Variants in SLC30A5 observed in about 807,000 individuals in gnomAD.
SLC30A5 encodes the protein proton-coupled zinc antiporter SLC30A5.
A neutral mutation model predicts 79.6 loss-of-function variants in SLC30A5; 33 were observed. The observed-to-expected ratio is 0.41, with a 90% CI of 0.31 to 0.55. The LOEUF (loss-of-function observed/expected upper bound fraction) is 0.55. Among genes scored for constraint, SLC30A5 ranks in the 20% least tolerant of loss-of-function variants. The probability of loss-of-function intolerance (pLI) is 0.20; values close to 1 mark genes in which losing one functional copy is unlikely to be tolerated. For synonymous variants in SLC30A5, 299 were observed against 319.7 expected, an observed-to-expected ratio of 0.94 and a Z score of 0.69; for missense variants, 788 against 928.1, an observed-to-expected ratio of 0.85 and a Z score of 1.96.
chr5:69,124,902 A>T (rs892295360), intron 14 of SLC30A5, among the ~76,000 whole-genome samples: 3 of 152,190 alleles, frequency 2.0e-5, no homozygotes, highest in Non-Finnish European at 4.4e-5. Context: ...AAAGATAGGG[A>T]AAGACTTTTT....
chr5:69,127,307 A>C (rs1275731181), intron 14 of SLC30A5, among the ~76,000 whole-genome samples: 1 of 152,086 alleles, frequency 6.6e-6, no homozygotes, highest in Non-Finnish European at 1.5e-5. Flanking sequence ...GGGTACTGCT[A>C]TTGATAAGAG....
intron 13 of SLC30A5, among the ~76,000 whole-genome samples, chr5:69,122,174 A>G (rs1366985664): frequency 6.6e-6 from 1 of 152,176 alleles, no homozygotes; most frequent in Non-Finnish European, 1.5e-5. Context: ...AGGCGGGAGT[A>G]CCACCTGAGG....
Position 69,115,316 on chromosome 5 carries a change from T to C in SLC30A5, c.692T>C (p.Val231Ala), listed in dbSNP as rs148405903. ...HTASRKLSVD[V>A]GGAKRLQALS... is the part of the protein sequence containing the mutation. Reference sequence around the variant, plus strand: ...GCTTCCAGAAAGCTCTCTGTCGACGTTGGTGGAGCTAAACGTCTTCAAGCT... The same window carrying C: ...GCTTCCAGAAAGCTCTCTGTCGACGCTGGTGGAGCTAAACGTCTTCAAGCT... Residue 231 changes from valine (V) to alanine (A), a missense_variant, in exon 8 of 16, where the codon GTT becomes GCT. By Grantham distance (64) the Val-to-Ala change is moderately conservative (BLOSUM62 0). Coordinates refer to ENST00000396591, the MANE Select transcript of SLC30A5 (RefSeq NM_022902.5). The C allele has an allele frequency of 9.9e-6, 16 of 1,613,936 alleles. No homozygotes were observed. Among genetic ancestry groups the C allele is most frequent in the South Asian group, 7.7e-5 (7 of 91,082 alleles).
intron 4 of SLC30A5, 40 bp downstream of exon 4, chr5:69,104,756 C>A (rs78986159): frequency 0.21 from 333,379 of 1,572,050 alleles, 37,420 homozygotes; most frequent in Middle Eastern, 0.25. Flanking sequence ...GTTTGTATTT[C>A]TTCATTTTGA....
chr5:69,094,657 C>T (rs1359201187), intron 1 of SLC30A5, among the ~76,000 whole-genome samples: 9 of 152,062 alleles, frequency 5.9e-5, no homozygotes, highest in Admixed American at 5.9e-4. Flanking sequence ...GGCTGTTTCT[C>T]CCTGAAATAG....
At chr5:69,099,854 G>A (rs1327224318) in intron 1 of SLC30A5, among the ~76,000 whole-genome samples, 3 of 152,144 alleles carry the variant, frequency 2.0e-5, no homozygotes, top group African/African-American at 7.2e-5. Flanking sequence ...CCAGCAACTC[G>A]ATCAACAAAA....
chr5:69,128,043 C>T lies in SLC30A5; in HGVS notation c.2038C>T (p.His680Tyr). 1 of 1,611,942 alleles carries T rather than the reference C, an allele frequency of 6.2e-7. No homozygotes were observed. The highest frequency in any genetic ancestry group is 2.2e-5 in the East Asian group (1 of 44,792). Residue 680 changes from histidine to tyrosine, a missense_variant, in exon 15 of 16, where the codon CAT becomes TAT. His to Tyr is a moderately conservative substitution (Grantham distance 83). Transcript: ENST00000396591. ...AGGATTAATATCATACCGAGACCCTCATTTTTGGCGTCATTCTGCTAGTAT... is the reference window on the plus strand; with the variant it reads ...AGGATTAATATCATACCGAGACCCTTATTTTTGGCGTCATTCTGCTAGTAT... Reference protein sequence around the residue: ...IEGLISYRDPHFWRHSASIVA... With the variant: ...IEGLISYRDPYFWRHSASIVA...
intron 14 of SLC30A5, among the ~76,000 whole-genome samples, chr5:69,126,885 A>G (rs1401154943): frequency 6.6e-6 from 1 of 151,740 alleles, no homozygotes; most frequent in Non-Finnish European, 1.5e-5. Flanking sequence ...GAAAAAAAAA[A>G]ATCACATAAT....
At chr5:69,114,583 T>G in intron 7 of SLC30A5, 87 bp downstream of exon 7, 3 of 924,588 alleles carry the variant, frequency 3.2e-6, no homozygotes. Context: ...AAATAAATTA[T>G]CAGCTGGGCC....
chr5:69,120,035 A>C (rs1336067133), intron 12 of SLC30A5, among the ~76,000 whole-genome samples: 2 of 151,674 alleles, frequency 1.3e-5, no homozygotes, highest in Non-Finnish European at 2.9e-5. Flanking sequence ...AAAAAAAAAA[A>C]AAGTAGTACA....
Position 69,100,945 on chromosome 5 carries a change from G to A in SLC30A5, c.206+16G>A. On this transcript the variant is annotated intron_variant, in intron 2 of 15. Coordinates refer to ENST00000396591, the MANE Select transcript of SLC30A5 (RefSeq NM_022902.5). ...TAAAACTTGGGTGAGTGTGGGGGGGGGTTTTTTCTTGATATTTTTTATTTC... is the reference window on the plus strand; with the variant it reads ...TAAAACTTGGGTGAGTGTGGGGGGGAGTTTTTTCTTGATATTTTTTATTTC... 7.0e-7 allele frequency: 1 copy of A among 1,434,208 alleles called. No individual in the cohort carries two copies. Among genetic ancestry groups the A allele is most frequent in the Non-Finnish European group, 9.4e-7 (1 of 1,067,486 alleles). 88.8% of individuals were successfully genotyped at this position (1,434,208 alleles called of 1,614,324 possible). A position where few individuals can be genotyped will look rare whatever the true frequency, so the allele number is the denominator to read the frequency against.
At chr5:69,100,125 C>G (rs1307522402) in intron 1 of SLC30A5, among the ~76,000 whole-genome samples, 1 of 152,152 alleles carries the variant, frequency 6.6e-6, no homozygotes, top group African/African-American at 2.4e-5. Flanking sequence ...CCCGCCACCA[C>G]GCCCAGCTAA....
intron 5 of SLC30A5, 55 bp from the exon 6 acceptor site, chr5:69,113,085 C>A: frequency 7.0e-7 from 1 of 1,423,840 alleles, no homozygotes; most frequent in Non-Finnish European, 9.8e-7. Context: ...TAGTTACGGT[C>A]TTAAAAATCA....
At chr5:69,112,419 AG>A (rs1746259499) in intron 5 of SLC30A5, among the ~76,000 whole-genome samples, 1 of 152,150 alleles carries the variant, frequency 6.6e-6, no homozygotes, top group African/African-American at 2.4e-5. Flanking sequence ...CTTTTTCCTC[AG>A]CCTGAACAAC....
At chr5:69,104,454 A>G (rs1404509573) in intron 3 of SLC30A5, 177 bp from the exon 4 acceptor site, 1 of 1,360,514 alleles carries the variant, frequency 7.4e-7, no homozygotes, top group African/African-American at 1.5e-5. Flanking sequence ...GAATAAGAAT[A>G]CTGTCTTGGA....
intron 14 of SLC30A5, among the ~76,000 whole-genome samples, chr5:69,124,218 T>C (rs1746614042): frequency 6.6e-6 from 1 of 151,612 alleles, no homozygotes. Context: ...CCTGGGATTG[T>C]TTCCTGGACA....
chr5:69,129,517 A>G lies in SLC30A5; in HGVS notation c.2198A>G (p.Gln733Arg). The G allele has an allele frequency of 4.3e-6, 7 of 1,613,682 alleles. No homozygotes were observed. The highest frequency in any genetic ancestry group is 5.9e-6 in the Non-Finnish European group (7 of 1,179,824). The change falls in exon 16 of 16, where the codon CAA becomes CGA. Residue 733 changes from glutamine to arginine, a missense_variant. By Grantham distance (43) the Gln-to-Arg change is conservative. Transcript: ENST00000396591. ...TIQVEKEAYF[Q>R]HMSGLSTGFH... ...CAAGTGGAAAAGGAGGCATACTTTC[A>G]ACATATGTCTGGCCTAAGTACTGGA...
Position 69,097,109 on chromosome 5 carries a change from C to CTTTTT in SLC30A5, c.83+2791_83+2795dup, listed in dbSNP as rs1228027917. Among the ~76,000 whole-genome samples, 171 of 87,910 alleles carry CTTTTT rather than the reference C, an allele frequency of 1.9e-3. 3 individuals are homozygous for CTTTTT. Among genetic ancestry groups the CTTTTT allele is most frequent in the African/African-American group, 3.8e-3 (79 of 20,882 alleles). 57.7% of individuals were successfully genotyped at this position (87,910 alleles called of 152,430 possible). A position where few individuals can be genotyped will look rare whatever the true frequency, so the allele number is the denominator to read the frequency against. ...TTGTTTCTTCCCTTCCTCTCTTTTTCTTTTTTTTTTTTTTTTTTTTTTTTG... is the reference window on the plus strand; with the variant it reads ...TTGTTTCTTCCCTTCCTCTCTTTTTCTTTTTTTTTTTTTTTTTTTTTTTTTTTTTG... On this transcript the variant is annotated intron_variant, in intron 1 of 15. Transcript: ENST00000396591.
intron 14 of SLC30A5, among the ~76,000 whole-genome samples, chr5:69,125,918 G>A (rs191618216): frequency 1.5e-5 from 2 of 133,348 alleles, no homozygotes; most frequent in East Asian, 2.3e-4. Flanking sequence ...TAGTAGTATC[G>A]CACACCTGTA....
Sources: allele counts gnomAD v4.1 joint callset (sites outside exome capture counted in the v4.1 genomes callset), GRCh38; gene constraint gnomAD v4.1.1; transcripts MANE v1.5; gene names NCBI Gene and HGNC (gene_info 2026-07-23, HGNC 2026-07-21).